DLC1: variants seen among roughly 807,000 people sequenced by gnomAD.
DLC1 encodes DLC1 Rho GTPase activating protein.
In DLC1, 54 loss-of-function variants were observed where a neutral mutation model predicts 140.3. The observed-to-expected ratio is 0.38, with a 90% CI of 0.31 to 0.48. DLC1 has a LOEUF of 0.48. Ranked by LOEUF, DLC1 falls within the 20% of genes least tolerant of loss-of-function variation. The pLI, the probability that DLC1 is intolerant of heterozygous loss-of-function variation, is 0.96. For synonymous variants in DLC1, 986 were observed against 728.1 expected, an observed-to-expected ratio of 1.35 and a Z score of -5.70; for missense variants, 2,536 against 1,907.0, an observed-to-expected ratio of 1.33 and a Z score of -6.14.
At chr8:13,128,901 T>TAATTATGATGGCAAGGCGGAACA (rs1554580356) in intron 5 of DLC1, among the ~76,000 whole-genome samples, 3 of 150,170 alleles carry the variant, frequency 2.0e-5, no homozygotes, top group Non-Finnish European at 4.4e-5. Flanking sequence ...TGTTCTCCAT[T>TAATTATGATGGCAAGGCGGAACA]AATTATGATG....
At chr8:13,214,378 T>C in intron 5 of DLC1, 1 of 386,690 alleles carries the variant, frequency 2.6e-6, no homozygotes. Context: ...GGGACCCTGT[T>C]GACAGGCTTT....
chr8:13,432,180 C>G (rs1382442826), intron 2 of DLC1, among the ~76,000 whole-genome samples: 1 of 152,148 alleles, frequency 6.6e-6, no homozygotes, highest in African/African-American at 2.4e-5. Flanking sequence ...CACAAAGTAT[C>G]ATCATGAACT....
intron 15 of DLC1, among the ~76,000 whole-genome samples, chr8:13,089,380 C>A (rs1019956073): frequency 7.9e-5 from 12 of 151,806 alleles, no homozygotes; most frequent in African/African-American, 2.9e-4. Context: ...ATAATCCCAG[C>A]ACTTTGGGAG....
chr8:13,515,977 G>C (rs146773221), upstream of DLC1, among the ~76,000 whole-genome samples: 1,990 of 152,238 alleles, frequency 0.013, 52 homozygotes, highest in African/African-American at 0.045. Context: ...GAAAGAAGAG[G>C]GAGGTGGTTT....
chr8:13,269,901 CAAA>C (rs371620278), intron 5 of DLC1, among the ~76,000 whole-genome samples: 1 of 129,488 alleles, frequency 7.7e-6, no homozygotes. Context: ...ACTAAAAATA[CAAA>C]AAAAAAAAAA....
At chr8:13,387,032 A>T (rs968499818) in intron 4 of DLC1, among the ~76,000 whole-genome samples, 37 of 152,060 alleles carry the variant, frequency 2.4e-4, no homozygotes, top group African/African-American at 8.9e-4. Context: ...TAAATGTTTT[A>T]ATTAAAAACT....
At chr8:13,139,407 T>C (rs1822810598) in intron 5 of DLC1, among the ~76,000 whole-genome samples, 1 of 151,462 alleles carries the variant, frequency 6.6e-6, no homozygotes, top group Non-Finnish European at 1.5e-5. Context: ...ACCCCAACTA[T>C]GAACCAGCCC....
At chr8:13,419,020 G>A (rs1011670241) in intron 2 of DLC1, among the ~76,000 whole-genome samples, 3 of 150,566 alleles carry the variant, frequency 2.0e-5, no homozygotes, top group African/African-American at 7.3e-5. Flanking sequence ...CTGTTTGTCT[G>A]TTATTGGTGT....
At chr8:13,346,855 A>G (rs1252660676) in intron 4 of DLC1, among the ~76,000 whole-genome samples, 3 of 152,248 alleles carry the variant, frequency 2.0e-5, no homozygotes, top group Admixed American at 6.5e-5. Context: ...ATGAAAACCC[A>G]GACAACAGCA....
chr8:13,230,303 G>A (rs529835575), intron 5 of DLC1, among the ~76,000 whole-genome samples: 1 of 152,298 alleles, frequency 6.6e-6, no homozygotes, highest in African/African-American at 2.4e-5. Context: ...TAGCAGCTAA[G>A]AGTCCAGAAC....
chr8:13,438,187 C>T (rs1454985606), intron 2 of DLC1, among the ~76,000 whole-genome samples: 3 of 152,136 alleles, frequency 2.0e-5, no homozygotes, highest in African/African-American at 4.8e-5. Flanking sequence ...CAAGCCTCAT[C>T]TCAATTAAAT....
intron 2 of DLC1, among the ~76,000 whole-genome samples, chr8:13,413,412 C>T (rs1264120292): frequency 2.0e-5 from 3 of 151,538 alleles, no homozygotes; most frequent in African/African-American, 7.3e-5. Context: ...ATATATTTCT[C>T]TCTCTCTCTC....
intron 2 of DLC1, among the ~76,000 whole-genome samples, chr8:13,415,507 C>T (rs1838013619): frequency 2.0e-5 from 3 of 151,416 alleles, no homozygotes; most frequent in East Asian, 2.0e-4. Context: ...TCATGCCATT[C>T]TCCTACCTCA....
chr8:13,239,544 A>T (rs1175467441), intron 5 of DLC1, among the ~76,000 whole-genome samples: 3 of 152,074 alleles, frequency 2.0e-5, no homozygotes, highest in Non-Finnish European at 4.4e-5. Flanking sequence ...AGCTTTTTTC[A>T]CTGTGTAATG....
At chr8:13,561,888 A>G (rs1804256556) in intron 1 of DLC1, among the ~76,000 whole-genome samples, 1 of 152,244 alleles carries the variant, frequency 6.6e-6, no homozygotes, top group South Asian at 2.1e-4. Flanking sequence ...ATTAGATATC[A>G]AAGACAAAGC....
intron 5 of DLC1, among the ~76,000 whole-genome samples, chr8:13,283,110 CA>C (rs1010002041): frequency 7.2e-5 from 11 of 152,048 alleles, no homozygotes; most frequent in African/African-American, 2.7e-4. Flanking sequence ...AAAGTCAGAC[CA>C]AACAGGAACC....
At chr8:13,463,861 G>A (rs539864794) in intron 2 of DLC1, among the ~76,000 whole-genome samples, 6 of 152,116 alleles carry the variant, frequency 3.9e-5, no homozygotes, top group Non-Finnish European at 5.9e-5. Flanking sequence ...CTTTTCAAGG[G>A]GACACGAAAG....
intron 4 of DLC1, among the ~76,000 whole-genome samples, chr8:13,348,790 A>G (rs1279805615): frequency 2.0e-5 from 3 of 152,200 alleles, no homozygotes; most frequent in East Asian, 1.9e-4. Context: ...AACCATATCA[A>G]TAGCATTATT....
intron 5 of DLC1, among the ~76,000 whole-genome samples, chr8:13,129,085 G>C (rs1243962795): frequency 6.6e-6 from 1 of 152,172 alleles, no homozygotes; most frequent in Non-Finnish European, 1.5e-5. Context: ...GCCCTTCTCA[G>C]CTGGGAATCT....
Sources: gnomAD v4.1 joint callset for allele counts (sites outside exome capture counted in the v4.1 genomes callset) on GRCh38, gnomAD v4.1.1 for gene constraint, MANE v1.5 for transcripts, NCBI Gene and HGNC (gene_info 2026-07-23, HGNC 2026-07-21) for gene names.